The following FAM168A variants were observed in gnomAD, a reference collection of about 807,000 sequenced individuals.
FAM168A encodes protein FAM168A.
FAM168A carries 3 observed loss-of-function variants against 28.5 expected under a neutral mutation model. That is an observed-to-expected ratio of 0.11 (90% CI 0.05 to 0.27). The LOEUF is 0.27. Ranked by LOEUF, FAM168A falls within the 10% of genes least tolerant of loss-of-function variation. The probability of loss-of-function intolerance (pLI) is 1.00; values close to 1 mark genes in which losing one functional copy is unlikely to be tolerated. For missense variants in FAM168A, 222 were observed against 311.5 expected (o/e 0.71, Z 2.16); for synonymous variants, 122 against 124.2 (o/e 0.98, Z 0.12).
At chr11:73,597,719 C>T (rs1259926006) in intron 1 of FAM168A, among the ~76,000 whole-genome samples, 1 of 149,154 alleles carries the variant, frequency 6.7e-6, no homozygotes, top group Non-Finnish European at 1.5e-5. Context: ...GTCGCCCGCC[C>T]CCCAACCTGC....
chr11:73,459,208 T>C (rs1266560882), intron 2 of FAM168A, among the ~76,000 whole-genome samples: 1 of 151,686 alleles, frequency 6.6e-6, no homozygotes, highest in Non-Finnish European at 1.5e-5. Context: ...CTCAGCCTCC[T>C]GAGTAGCTGG....
rs1164651940 is a variant in FAM168A at position 73,419,898 on chromosome 11, A to T, written c.253T>A (p.Tyr85Asn). Residue 85 changes from tyrosine to asparagine, a missense_variant, in exon 4 of 8, where the codon TAC becomes AAC. By Grantham distance (143) the Tyr-to-Asn change is moderately radical. Around this residue, in one of 3 missense-constraint regions of FAM168A, gnomAD observed 153 missense variants for 189.2 expected, o/e 0.81. Transcript: ENST00000356467. ...PVDTGTENRTYQASSAAFRYT... is the reference protein window; with the variant it reads ...PVDTGTENRTNQASSAAFRYT... ...CTGAAAGCCGCAGAGGATGCTTGGT[A>T]AGTTCGGTTCTCGGTCCCGGTGTCC... is the stretch of plus-strand genomic sequence containing the variant. 6 of 1,613,898 alleles carry T rather than the reference A, an allele frequency of 3.7e-6. No individual in the cohort carries two copies. Among genetic ancestry groups the T allele is most frequent in the Non-Finnish European group, 4.2e-6 (5 of 1,179,934 alleles).
At chr11:73,411,089 T>G (rs531993032) in intron 5 of FAM168A, among the ~76,000 whole-genome samples, 1 of 152,212 alleles carries the variant, frequency 6.6e-6, no homozygotes, top group Non-Finnish European at 1.5e-5. Flanking sequence ...TTCCCCTCTT[T>G]GGGTCTCAGT....
intron 1 of FAM168A, among the ~76,000 whole-genome samples, chr11:73,542,920 C>T (rs1266131500): frequency 2.0e-5 from 3 of 152,154 alleles, no homozygotes; most frequent in African/African-American, 7.2e-5. Flanking sequence ...TCTCGTTATT[C>T]TTTGAAAAAC....
intron 1 of FAM168A, among the ~76,000 whole-genome samples, chr11:73,517,895 A>G (rs890726920): frequency 1.3e-5 from 2 of 152,162 alleles, no homozygotes; most frequent in African/African-American, 4.8e-5. Flanking sequence ...ACAACTCAAT[A>G]GCAAATGTCT....
intron 2 of FAM168A, among the ~76,000 whole-genome samples, chr11:73,434,363 C>A (rs1462453110): frequency 6.6e-6 from 1 of 152,022 alleles, no homozygotes; most frequent in Non-Finnish European, 1.5e-5. Flanking sequence ...GTAAAGGGAA[C>A]CAGAAGTGCC....
At chr11:73,519,916 A>T (rs911095027) in intron 1 of FAM168A, among the ~76,000 whole-genome samples, 1 of 151,670 alleles carries the variant, frequency 6.6e-6, no homozygotes, top group South Asian at 2.1e-4. Context: ...CCCACCTCAA[A>T]CTCCTGAGTA....
At position 73,536,682 on chromosome 11, in the gene FAM168A, C is replaced by T. The variant is rs183147154; in HGVS notation, c.-19+61241G>A. 3.3e-5 allele frequency among the ~76,000 whole-genome samples: 5 copies of T among 152,004 alleles called. No homozygotes were observed. The East Asian group carries it at 7.7e-4, about 24-fold the overall frequency. On this transcript the variant is annotated intron_variant, in intron 1 of 7. Coordinates refer to ENST00000356467, the MANE Select transcript of FAM168A (RefSeq NM_015159.3). ...AGCCTGGGCAACAAGAGCTTAACTC[C>T]GTCTCAAAAAATAATAATAATAATA...
intron 1 of FAM168A, among the ~76,000 whole-genome samples, chr11:73,558,741 T>C (rs966659500): frequency 6.6e-6 from 1 of 152,052 alleles, no homozygotes; most frequent in Non-Finnish European, 1.5e-5. Flanking sequence ...AACCATAAGA[T>C]ATATTATGCC....
chr11:73,597,735 T>C (rs1401396152), intron 1 of FAM168A, among the ~76,000 whole-genome samples, 188 bp downstream of exon 1: 3 of 125,894 alleles, frequency 2.4e-5, no homozygotes, highest in Non-Finnish European at 5.1e-5. Flanking sequence ...CCTGCTTGGG[T>C]CCCACCCTCA....
At chr11:73,472,496 T>C (rs1347080260) in intron 1 of FAM168A, among the ~76,000 whole-genome samples, 1 of 152,226 alleles carries the variant, frequency 6.6e-6, no homozygotes, top group Non-Finnish European at 1.5e-5. Flanking sequence ...ACAAACTTTG[T>C]TTTTATTCTA....
chr11:73,571,005 GAAC>G (rs1404426467), intron 1 of FAM168A, among the ~76,000 whole-genome samples: 1 of 152,002 alleles, frequency 6.6e-6, no homozygotes, highest in Non-Finnish European at 1.5e-5. Flanking sequence ...AAACTGTCCT[GAAC>G]AACAACTATT....
At chr11:73,547,411 A>G (rs1384575519) in intron 1 of FAM168A, among the ~76,000 whole-genome samples, 1 of 152,162 alleles carries the variant, frequency 6.6e-6, no homozygotes, top group Non-Finnish European at 1.5e-5. Flanking sequence ...TGGTGGGAAC[A>G]TAAAATGGTG....
intron 1 of FAM168A, among the ~76,000 whole-genome samples, chr11:73,556,512 A>G (rs1943891620): frequency 6.6e-6 from 1 of 151,920 alleles, no homozygotes; most frequent in South Asian, 2.1e-4. Flanking sequence ...GAGACAGAAG[A>G]TCGAATGGGG....
chr11:73,558,426 G>T (rs908480409), intron 1 of FAM168A, among the ~76,000 whole-genome samples: 3 of 141,898 alleles, frequency 2.1e-5, no homozygotes, highest in African/African-American at 7.9e-5. Flanking sequence ...CTATGATCAT[G>T]CCACTGTACT....
intron 1 of FAM168A, among the ~76,000 whole-genome samples, chr11:73,548,133 A>C (rs943045079): frequency 2.6e-5 from 4 of 152,210 alleles, no homozygotes; most frequent in Non-Finnish European, 1.5e-5. Flanking sequence ...TCAGTTTTGC[A>C]AGAAAAAAAT....
intron 1 of FAM168A, among the ~76,000 whole-genome samples, chr11:73,542,121 CT>C (rs1222299451): frequency 6.6e-6 from 1 of 152,150 alleles, no homozygotes; most frequent in Non-Finnish European, 1.5e-5. Flanking sequence ...CTTCTTTGCT[CT>C]AAGTACACAC....
At chr11:73,585,486 T>C (rs894571518) in intron 1 of FAM168A, among the ~76,000 whole-genome samples, 3 of 152,172 alleles carry the variant, frequency 2.0e-5, no homozygotes, top group African/African-American at 7.2e-5. Context: ...AAAGAGATAA[T>C]TAACAATCTA....
chr11:73,530,175 T>C (rs1291306265), intron 1 of FAM168A, among the ~76,000 whole-genome samples: 1 of 152,200 alleles, frequency 6.6e-6, no homozygotes, highest in Non-Finnish European at 1.5e-5. Context: ...TTCCAGACAC[T>C]ACCAAGTTCA....
Sources: gnomAD v4.1 joint callset for allele counts (sites outside exome capture counted in the v4.1 genomes callset) on GRCh38, gnomAD v4.1.1 for gene constraint, gnomAD v4.1.1 regional missense constraint, MANE v1.5 for transcripts, NCBI Gene and HGNC (gene_info 2026-07-23, HGNC 2026-07-21) for gene names.